The following SLC44A1 variants were observed in gnomAD, a reference collection of about 807,000 sequenced individuals.
SLC44A1 encodes choline transporter-like protein 1.
SLC44A1 carries 26 observed loss-of-function variants against 79.3 expected under a neutral mutation model. The ratio of observed to expected loss-of-function variants is 0.33; its 90% CI spans 0.24 to 0.46. The LOEUF is 0.46. Ranked by LOEUF, SLC44A1 falls within the 20% of genes least tolerant of loss-of-function variation. SLC44A1 has a pLI of 1.00. For missense variants in SLC44A1, 688 were observed against 798.1 expected (o/e 0.86, Z 1.66); for synonymous variants, 263 against 286.2 (o/e 0.92, Z 0.82).
intron 1 of SLC44A1, among the ~76,000 whole-genome samples, chr9:105,261,775 CTTTTTTTTT>C (rs35530318): frequency 2.1e-4 from 24 of 111,694 alleles, no homozygotes; most frequent in Admixed American, 3.0e-4. Flanking sequence ...CTCTCTCTCT[CTTTTTTTTT>C]TTTTTTTTTT....
chr9:105,409,457 G>A (rs1829069156), intron 15 of SLC44A1, among the ~76,000 whole-genome samples: 1 of 152,164 alleles, frequency 6.6e-6, no homozygotes, highest in African/African-American at 2.4e-5. Context: ...GGCCAAAATG[G>A]GAGGGTCACT....
At chr9:105,266,728 TCA>T (rs1217988464) in intron 1 of SLC44A1, among the ~76,000 whole-genome samples, 1 of 152,228 alleles carries the variant, frequency 6.6e-6, no homozygotes, top group Non-Finnish European at 1.5e-5. Flanking sequence ...TATATTGAAA[TCA>T]GGTTATGTGA....
intron 15 of SLC44A1, among the ~76,000 whole-genome samples, chr9:105,411,477 T>C (rs753481368): frequency 6.7e-6 from 1 of 148,616 alleles, no homozygotes; most frequent in Non-Finnish European, 1.5e-5. Flanking sequence ...TGTGTGTGTG[T>C]GTGTGCGTGT....
chr9:105,307,591 C>T (rs904186411), intron 2 of SLC44A1, among the ~76,000 whole-genome samples: 19 of 151,384 alleles, frequency 1.3e-4, no homozygotes, highest in African/African-American at 4.6e-4. Context: ...TTGCAGTGAG[C>T]CGAGATCGTG....
intron 4 of SLC44A1, among the ~76,000 whole-genome samples, chr9:105,343,500 A>G (rs540217757): frequency 2.0e-5 from 3 of 152,322 alleles, no homozygotes; most frequent in Admixed American, 6.5e-5. Context: ...ACCAGTCAGT[A>G]TGAATAAAAT....
At chr9:105,385,292 A>T in intron 14 of SLC44A1, 130 bp from the exon 15 acceptor site, 2 of 656,554 alleles carry the variant, frequency 3.0e-6, no homozygotes, top group Non-Finnish European at 5.3e-6. Context: ...ACTAAACATT[A>T]TTTATTGCTA....
chr9:105,410,906 A>C (rs1282923658), intron 15 of SLC44A1, among the ~76,000 whole-genome samples: 1 of 152,218 alleles, frequency 6.6e-6, no homozygotes, highest in African/African-American at 2.4e-5. Context: ...CCTTGAAAAC[A>C]TGATGCTAAG....
At chr9:105,370,795 T>C (rs2131431621) in intron 12 of SLC44A1, among the ~76,000 whole-genome samples, 1 of 152,330 alleles carries the variant, frequency 6.6e-6, no homozygotes, top group South Asian at 2.1e-4. Context: ...CAGAACACTT[T>C]AGTTAAGAGT....
At chr9:105,309,656 C>T (rs1377315954) in intron 2 of SLC44A1, 68 bp from the exon 3 acceptor site, 20 of 1,421,042 alleles carry the variant, frequency 1.4e-5, no homozygotes, top group South Asian at 5.9e-5. Flanking sequence ...AGCTCATTAT[C>T]GTATCAACTA....
At chr9:105,310,819 C>A (rs1490987460) in intron 3 of SLC44A1, among the ~76,000 whole-genome samples, 1 of 152,164 alleles carries the variant, frequency 6.6e-6, no homozygotes, top group Non-Finnish European at 1.5e-5. Context: ...GTTAATTTCT[C>A]AGCGTTATTA....
chr9:105,259,741 A>T (rs1829798894), intron 1 of SLC44A1, among the ~76,000 whole-genome samples: 1 of 152,256 alleles, frequency 6.6e-6, no homozygotes, highest in East Asian at 1.9e-4. Context: ...CATAGTTTTA[A>T]TCAAGAAAAA....
intron 12 of SLC44A1, among the ~76,000 whole-genome samples, chr9:105,367,044 A>G (rs537757496): frequency 1.3e-5 from 2 of 152,232 alleles, no homozygotes; most frequent in Non-Finnish European, 2.9e-5. Flanking sequence ...TGATATTTAT[A>G]GGATAAAAGG....
chr9:105,268,047 A>G (rs945179340), intron 1 of SLC44A1, among the ~76,000 whole-genome samples: 6 of 152,140 alleles, frequency 3.9e-5, no homozygotes, highest in African/African-American at 1.2e-4. Context: ...GTTGGTTTCA[A>G]TATTCAGTGT....
chr9:105,430,108 A>G (rs553775695), intron 15 of SLC44A1, among the ~76,000 whole-genome samples: 1 of 152,064 alleles, frequency 6.6e-6, no homozygotes, highest in South Asian at 2.1e-4. Context: ...TGGTCCCTCT[A>G]TGTCTCCAGC....
intron 13 of SLC44A1, 106 bp downstream of exon 13, chr9:105,374,841 A>T: frequency 1.2e-6 from 1 of 816,228 alleles, no homozygotes; most frequent in Non-Finnish European, 2.0e-6. Flanking sequence ...AAAGTAATAT[A>T]TAGCGAGTAC....
intron 15 of SLC44A1, among the ~76,000 whole-genome samples, chr9:105,431,591 G>A (rs1258642157): frequency 6.6e-6 from 1 of 152,190 alleles, no homozygotes; most frequent in Non-Finnish European, 1.5e-5. Context: ...TCTGAGACAT[G>A]AGGATCATAA....
Position 105,244,875 on chromosome 9 carries a change from T to C in SLC44A1, c.7T>C (p.Cys3Arg). The C allele has an allele frequency of 3.4e-6, 4 of 1,163,318 alleles. No homozygotes were observed. Among genetic ancestry groups the C allele is most frequent in the Non-Finnish European group, 4.2e-6 (4 of 945,516 alleles). The allele number at this position is 1,163,318 out of a possible 1,614,324, so 72.1% of individuals were successfully genotyped here. A position where few individuals can be genotyped will look rare whatever the true frequency, so the allele number is the denominator to read the frequency against. The part of the protein sequence containing the change: MG[C>R]CSSASSAAQS... ...GGGCTCCTTCGGCCCCGCCATGGGC[T>C]GCTGCAGCTCCGCCTCCTCCGCCGC... is the stretch of plus-strand genomic sequence containing the variant. Residue 3 changes from cysteine to arginine, a missense_variant, in exon 1 of 16, where the codon TGC becomes CGC. Transcript: ENST00000374720.
intron 3 of SLC44A1, among the ~76,000 whole-genome samples, chr9:105,318,658 G>A (rs574023172): frequency 3.3e-5 from 5 of 152,154 alleles, no homozygotes; most frequent in African/African-American, 1.2e-4. Flanking sequence ...TGTATTGCTA[G>A]TGCATTTCTG....
At position 105,413,839 on chromosome 9, in the gene SLC44A1, TC is replaced by T. The variant is rs1829130316; in HGVS notation, c.1951-24437del. Among the ~76,000 whole-genome samples, 3 of 152,092 alleles carry T rather than the reference TC, an allele frequency of 2.0e-5. No homozygotes were observed. The South Asian group carries it at 6.2e-4, about 32-fold the overall frequency. Reference sequence around the variant, plus strand: ...GACTTAACCCCAGGAGAAGACGTGATCCCCCTGACTACGAAGGAATGTGTGT... The same window carrying T: ...GACTTAACCCCAGGAGAAGACGTGATCCCCTGACTACGAAGGAATGTGTGT... On this transcript the variant is annotated intron_variant, in intron 15 of 15. Transcript: ENST00000374724.
Sources: gnomAD v4.1 joint callset for allele counts (sites outside exome capture counted in the v4.1 genomes callset) on GRCh38, gnomAD v4.1.1 for gene constraint, MANE v1.5 for transcripts, NCBI Gene and HGNC (gene_info 2026-07-23, HGNC 2026-07-21) for gene names.